AR: variants seen among roughly 807,000 people sequenced by gnomAD.
The protein encoded by AR is androgen receptor.
Under a neutral mutation model 53.9 loss-of-function variants are expected in AR, and 8 were observed. The ratio of observed to expected loss-of-function variants is 0.15; its 90% CI spans 0.09 to 0.27. AR has a LOEUF of 0.27. Ranked by LOEUF, AR falls within the 10% of genes least tolerant of loss-of-function variation. The probability of loss-of-function intolerance (pLI) is 1.00; values close to 1 mark genes in which losing one functional copy is unlikely to be tolerated. For synonymous variants in AR, 359 were observed against 316.4 expected, an observed-to-expected ratio of 1.13 and a Z score of -1.43; for missense variants, 639 against 742.5, an observed-to-expected ratio of 0.86 and a Z score of 1.62.
intron 1 of AR, among the ~76,000 whole-genome samples, chrX:67,629,744 G>C (rs1411103874): frequency 1.8e-5 from 2 of 109,157 alleles, no homozygotes; most frequent in Non-Finnish European, 3.8e-5. Context: ...TGTCAATTTT[G>C]GATCTTTCCT....
intron 1 of AR, among the ~76,000 whole-genome samples, chrX:67,562,806 A>G (rs1299341702): frequency 9.0e-6 from 1 of 111,687 alleles, no homozygotes; most frequent in Non-Finnish European, 1.9e-5. Flanking sequence ...ACCTCAGGAC[A>G]GTAACATAAC....
intron 2 of AR, among the ~76,000 whole-genome samples, chrX:67,652,471 G>A (rs1263169326): frequency 8.9e-6 from 1 of 112,081 alleles, no homozygotes; most frequent in African/African-American, 3.2e-5. Flanking sequence ...AGGGAATTTA[G>A]AAATCAAAAA....
intron 1 of AR, among the ~76,000 whole-genome samples, chrX:67,635,148 G>A (rs1925368897): frequency 9.1e-6 from 1 of 109,660 alleles, no homozygotes; most frequent in African/African-American, 3.3e-5. Context: ...ATTTTCTTAT[G>A]GTAAGACAAA....
In AR at chrX:67,728,574, AATATATATATATATATAT is replaced by A. The variant is rs10666509; in HGVS notation, c.*4757_*4774del. Reference sequence around the variant, plus strand: ...ATTTGTATCCATGTTTCAAAATTGAAATATATATATATATATATATATATATATATATATATATATAGT... The same window carrying A: ...ATTTGTATCCATGTTTCAAAATTGAAATATATATATATATATATATATAGT... On this transcript the variant is annotated 3_prime_UTR_variant, in exon 8 of 8. Coordinates refer to ENST00000374690, the MANE Select transcript of AR (RefSeq NM_000044.6). The A allele has an allele frequency of 1.0e-3, 30 of 29,871 alleles. No individual in the cohort carries two copies. Among genetic ancestry groups the A allele is most frequent in the Middle Eastern group, 0.043 (1 of 23 alleles). The allele number at this position is 29,871 out of a possible 1,213,427, so 2.5% of individuals were successfully genotyped here.
intron 1 of AR, among the ~76,000 whole-genome samples, chrX:67,560,440 G>T (rs1277723298): frequency 8.9e-6 from 1 of 111,745 alleles, no homozygotes; most frequent in Admixed American, 9.5e-5. Context: ...TCTGTATACT[G>T]CTTTAAATGT....
intron 2 of AR, 139 bp from the exon 3 acceptor site, chrX:67,685,871 T>C (rs753803816): frequency 9.2e-5 from 83 of 901,240 alleles, no homozygotes; most frequent in Non-Finnish European, 1.2e-4. Flanking sequence ...TATGATCAAA[T>C]TGTTTGGTGC....
intron 2 of AR, among the ~76,000 whole-genome samples, chrX:67,654,758 C>G (rs1446964225): frequency 9.5e-6 from 1 of 105,311 alleles, no homozygotes; most frequent in Non-Finnish European, 1.9e-5. Flanking sequence ...GAAACCTGAG[C>G]CAGCACCTGT....
chrX:67,649,578 T>G (rs1475166797), intron 2 of AR, among the ~76,000 whole-genome samples: 2 of 112,448 alleles, frequency 1.8e-5, no homozygotes, highest in Non-Finnish European at 3.8e-5. Flanking sequence ...TAACTGGCAT[T>G]GACATGGTAT....
chrX:67,631,487 C>G (rs966947286), intron 1 of AR, among the ~76,000 whole-genome samples: 1 of 112,224 alleles, frequency 8.9e-6, no homozygotes, highest in Non-Finnish European at 1.9e-5. Context: ...GTTTTCAGCT[C>G]CATCAGCTCC....
chrX:67,663,775 A>C (rs1408662182), intron 2 of AR, among the ~76,000 whole-genome samples: 2 of 112,051 alleles, frequency 1.8e-5, no homozygotes, highest in Non-Finnish European at 1.9e-5. Context: ...TCAGACATAG[A>C]TTTGGTCTTT....
intron 1 of AR, among the ~76,000 whole-genome samples, chrX:67,582,727 G>A (rs911622431): frequency 9.0e-6 from 1 of 111,285 alleles, no homozygotes; most frequent in Non-Finnish European, 1.9e-5. Context: ...TGGTATGAAG[G>A]CCAGGAATCT....
rs2147524345 is a variant in AR at position 67,711,470 on chromosome X, C to G, written c.1954C>G (p.Pro652Ala). The change falls in exon 4 of 8, where the codon CCC (proline) becomes GCC (alanine). Residue 652 changes from proline to alanine, a missense_variant. Physicochemically the swap from Pro to Ala is conservative, Grantham distance 27. Transcript: ENST00000374690. Reference protein sequence around the residue: ...EEGEASSTTSPTEETTQKLTV... With the variant: ...EEGEASSTTSATEETTQKLTV... ...AGGAGAGGCTTCCAGCACCACCAGC[C>G]CCACTGAGGAGACAACCCAGAAGCT... The G allele has an allele frequency of 8.3e-7, 1 of 1,208,436 alleles. No individual in the cohort carries two copies. The highest frequency in any genetic ancestry group is 1.1e-6 in the Non-Finnish European group (1 of 893,779).
intron 1 of AR, among the ~76,000 whole-genome samples, chrX:67,587,985 GGACT>G (rs1922640000): frequency 9.1e-6 from 1 of 110,409 alleles, no homozygotes; most frequent in Non-Finnish European, 1.9e-5. Context: ...GCTCTTGCAA[GGACT>G]GATTATCTAT....
chrX:67,591,946 C>A (rs1340665519), intron 1 of AR, among the ~76,000 whole-genome samples: 1 of 112,329 alleles, frequency 8.9e-6, no homozygotes, highest in Non-Finnish European at 1.9e-5. Context: ...CTTCATCTAA[C>A]GGATGATTGT....
At chrX:67,552,187 A>AT (rs1569267060) in intron 1 of AR, among the ~76,000 whole-genome samples, 9 of 111,642 alleles carry the variant, frequency 8.1e-5, no homozygotes, top group Admixed American at 4.8e-4. Flanking sequence ...TCATCCCCCT[A>AT]TATTCCCTCA....
intron 3 of AR, chrX:67,689,769 AC>A: frequency 1.2e-6 from 1 of 821,928 alleles, no homozygotes. Flanking sequence ...GAAAACACTT[AC>A]AAAAAAAGTC....
At chrX:67,665,170 A>T (rs1927200842) in intron 2 of AR, among the ~76,000 whole-genome samples, 1 of 112,498 alleles carries the variant, frequency 8.9e-6, no homozygotes, top group African/African-American at 3.2e-5. Flanking sequence ...CCGGTACCTC[A>T]GTTGGAAATG....
intron 1 of AR, among the ~76,000 whole-genome samples, chrX:67,558,401 A>G (rs1288382550): frequency 8.9e-6 from 1 of 112,091 alleles, no homozygotes; most frequent in African/African-American, 3.2e-5. Context: ...GCTAGGAAGT[A>G]GCAGAACTTG....
rs1227907896 is a variant in AR, at chrX:67,634,835, A to T, written c.1617-8421A>T. Reference sequence around the variant, plus strand: ...TCTTAAAAAGTCATGTAGGGATGTCATGTTCCACAATGTGATTAATAAAAT... The same window carrying T: ...TCTTAAAAAGTCATGTAGGGATGTCTTGTTCCACAATGTGATTAATAAAAT... On this transcript the variant is annotated intron_variant, in intron 1 of 7. Transcript: ENST00000374690. Among the ~76,000 whole-genome samples the T allele has an allele frequency of 2.4e-4, 27 of 111,865 alleles. No individual in the cohort carries two copies. In the Admixed American group the frequency reaches 2.6e-3, roughly 11 times the overall value.
Sources: gnomAD v4.1 joint callset for allele counts (sites outside exome capture counted in the v4.1 genomes callset) on GRCh38, gnomAD v4.1.1 for gene constraint, MANE v1.5 for transcripts, NCBI Gene and HGNC (gene_info 2026-07-23, HGNC 2026-07-21) for gene names.